Variants in CDH23 observed in about 807,000 individuals in gnomAD.
CDH23 encodes the protein cadherin related 23, also known as cadherin-23.
In CDH23, 189 loss-of-function variants were observed where a neutral mutation model predicts 317.1. The observed-to-expected ratio is 0.60, with a 90% CI of 0.53 to 0.67. CDH23 has a LOEUF of 0.67. Ranked by LOEUF, CDH23 falls within the 30% of genes least tolerant of loss-of-function variation. The pLI is 0.00. For synonymous variants in CDH23, 1,839 were observed against 1,876.8 expected, an observed-to-expected ratio of 0.98 and a Z score of 0.52; for missense variants, 4,401 against 4,592.4, an observed-to-expected ratio of 0.96 and a Z score of 1.20.
chr10:71,477,975 C>T (rs888467376), intron 3 of CDH23, among the ~76,000 whole-genome samples: 1 of 152,096 alleles, frequency 6.6e-6, no homozygotes, highest in Non-Finnish European at 1.5e-5. Flanking sequence ...CCACACAGTA[C>T]CCCAGGCAGC....
chr10:71,719,875 C>T (rs1010652312), intron 28 of CDH23: 2 of 152,826 alleles, frequency 1.3e-5, no homozygotes, highest in African/African-American at 2.4e-5. Context: ...GGGATGGCAA[C>T]TGGGTTGGGA....
chr10:71,470,429 A>G (rs1851452280), intron 3 of CDH23, among the ~76,000 whole-genome samples: 1 of 152,168 alleles, frequency 6.6e-6, no homozygotes, highest in Non-Finnish European at 1.5e-5. Flanking sequence ...CCCATTAGAT[A>G]ATAACTTCTC....
chr10:71,748,849 G>T (rs745825773), intron 38 of CDH23: 1 of 152,736 alleles, frequency 6.5e-6, no homozygotes, highest in Non-Finnish European at 1.5e-5. Context: ...AGGGAGGGAC[G>T]TCCCTAGTGC....
intron 41 of CDH23, among the ~76,000 whole-genome samples, chr10:71,780,546 C>CGCCTT: frequency 6.6e-6 from 1 of 152,182 alleles, no homozygotes; most frequent in South Asian, 2.1e-4. Flanking sequence ...AGCAAAAAGG[C>CGCCTT]CTGCAGCTGG....
rs2132847719 is a variant in CDH23, at chr10:71,741,793, G to C, written c.4717G>C (p.Asp1573His). The C allele has an allele frequency of 1.2e-6, 2 of 1,612,922 alleles. No individual in the cohort carries two copies. Residue 1573 changes from aspartate (D) to histidine (H), a missense_variant, in exon 38 of 70, where the codon GAC becomes CAC. By Grantham distance (81) the Asp-to-His change is moderately conservative (BLOSUM62 -1). Transcript: ENST00000224721. ...LSYYITEGNK[D>H]MAFRMDRISG... ...CTACTACATCACCGAGGGCAACAAG[G>C]ACATGGCCTTCCGCATGGACCGCAT...
chr10:71,663,827 T>C (rs1863774793), intron 14 of CDH23, among the ~76,000 whole-genome samples: 1 of 152,108 alleles, frequency 6.6e-6, no homozygotes, highest in Non-Finnish European at 1.5e-5. Context: ...CCCCTGTGTC[T>C]CTGGTTATTT....
At chr10:71,500,066 G>A (rs1373264065) in intron 3 of CDH23, among the ~76,000 whole-genome samples, 2 of 151,066 alleles carry the variant, frequency 1.3e-5, no homozygotes, top group African/African-American at 2.4e-5. Context: ...ACAATAGGGT[G>A]GCTATAGTTA....
Position 71,798,621 on chromosome 10 carries a change from C to T in CDH23, c.7054+43C>T, listed in dbSNP as rs779225348. The T allele has an allele frequency of 2.1e-6, 3 of 1,462,770 alleles. No individual in the cohort carries two copies. The African/African-American group carries it at 4.2e-5, about 20-fold the overall frequency. The allele number at this position is 1,462,770 out of a possible 1,614,324, so 90.6% of individuals were successfully genotyped here. ...CAGAGGAGGGCTGGGGGACATATAT[C>T]TCTGCTTGCTTAGTCCCCAAGAGAG... On this transcript the variant is annotated intron_variant, in intron 50 of 69. Transcript: ENST00000224721.
rs1207867919 is a variant in CDH23, at chr10:71,682,572, T to C, written c.1986T>C (p.Phe662=). ...NSTVPVTIEV[F]DENDNPPTFS... ...CCGTCCCTGTCACCATCGAGGTGTT[T>C]GTAAGTACCCAGGGCCACTGGCCTT... The change falls in exon 18 of 70, where the codon TTT becomes TTC. Residue 662 remains phenylalanine, a splice_region_variant and synonymous_variant. Transcript: ENST00000224721. The C allele has an allele frequency of 6.2e-7, 1 of 1,612,970 alleles. No homozygotes were observed. Among genetic ancestry groups the C allele is most frequent in the African/African-American group, 1.3e-5 (1 of 74,914 alleles).
At chr10:71,682,336 C>T in intron 17 of CDH23, 109 bp from the exon 18 acceptor site, 1 of 1,424,476 alleles carries the variant, frequency 7.0e-7, no homozygotes, top group South Asian at 1.3e-5. Context: ...CAAGCCAGAG[C>T]TGGCCCGGGC....
intron 11 of CDH23, among the ~76,000 whole-genome samples, chr10:71,618,814 T>TGTGTGTGTGCTCAAGTGTGTGTGCACAC (rs1347096116): frequency 7.4e-4 from 112 of 151,948 alleles, no homozygotes; most frequent in Middle Eastern, 3.4e-3. Flanking sequence ...ACCATGTGCC[T>TGTGTGTGTGCTCAAGTGTGTGTGCACAC]GTGTGTGTGC....
At chr10:71,579,029 A>G (rs1036268209) in intron 9 of CDH23, among the ~76,000 whole-genome samples, 2 of 152,214 alleles carry the variant, frequency 1.3e-5, no homozygotes, top group African/African-American at 4.8e-5. Context: ...CTGTACCTCC[A>G]TAAAATTGGA....
intron 19 of CDH23, among the ~76,000 whole-genome samples, chr10:71,688,535 A>AGGGGTGGTGGAT (rs1865003753): frequency 8.9e-5 from 4 of 45,138 alleles, no homozygotes; most frequent in Admixed American, 8.6e-4. Flanking sequence ...GGGTGGTGGA[A>AGGGGTGGTGGAT]CCAGGGATGG....
chr10:71,792,835 AAAAAAAAAAAAAAAAAAATAT>A lies in CDH23; in HGVS notation c.6254-345_6254-325del, dbSNP rs1196959842. Among the ~76,000 whole-genome samples the A allele has an allele frequency of 1.0e-2, 798 of 80,020 alleles. 9 individuals are homozygous for A. The highest frequency in any genetic ancestry group is 0.012 in the Admixed American group (103 of 8,274). The allele number at this position is 80,020 out of a possible 152,430, so 52.5% of individuals were successfully genotyped here. ...AGACTCCATCTAAAAAAAAAAAAAAAAAAAAAAAAAAAAAAAAATATATATATATATATATATATATGTCTC... is the reference window on the plus strand; with the variant it reads ...AGACTCCATCTAAAAAAAAAAAAAAAATATATATATATATATATATGTCTC... On this transcript the variant is annotated intron_variant, in intron 47 of 69. Transcript: ENST00000224721.
chr10:71,491,400 C>T (rs1852650284), intron 3 of CDH23, among the ~76,000 whole-genome samples: 1 of 152,216 alleles, frequency 6.6e-6, no homozygotes, highest in Non-Finnish European at 1.5e-5. Flanking sequence ...GGCAAGCAAA[C>T]AGACTTGCAC....
At chr10:71,580,948 C>G (rs978544590) in intron 9 of CDH23, among the ~76,000 whole-genome samples, 1 of 152,092 alleles carries the variant, frequency 6.6e-6, no homozygotes, top group African/African-American at 2.4e-5. Context: ...GGCAGGAGGG[C>G]ACTGTCCCCA....
In CDH23 at chr10:71,734,247, T is replaced by C; in HGVS notation, c.4112T>C (p.Ile1371Thr). 6.2e-7 allele frequency: 1 copy of C among 1,609,772 alleles called. No homozygotes were observed. The highest frequency in any genetic ancestry group is 8.5e-7 in the Non-Finnish European group (1 of 1,178,184). The part of the protein sequence containing the change: ...LFKIDAITGV[I>T]TVQGLVDREK... The stretch of plus-strand genomic sequence containing the variant: ...CTGGCCCCTTCCCTGCAGGGTGTGA[T>C]CACAGTCCAGGGCCTGGTGGACCGT... The change falls in exon 33 of 70, where the codon ATC becomes ACC. Residue 1371 changes from isoleucine (I) to threonine (T), a missense_variant. Coordinates refer to ENST00000224721, the MANE Select transcript of CDH23 (RefSeq NM_022124.6).
At chr10:71,472,838 G>C (rs1337186650) in intron 3 of CDH23, among the ~76,000 whole-genome samples, 1 of 152,198 alleles carries the variant, frequency 6.6e-6, no homozygotes, top group Admixed American at 6.5e-5. Context: ...TGGGAAAATA[G>C]CATCTTTAAT....
At chr10:71,609,044 G>C (rs1025770772) in intron 9 of CDH23, among the ~76,000 whole-genome samples, 1 of 152,150 alleles carries the variant, frequency 6.6e-6, no homozygotes, top group African/African-American at 2.4e-5. Context: ...TGTGGTTCAA[G>C]ATGCTGCCAG....
Sources: gnomAD v4.1 joint callset for allele counts (sites outside exome capture counted in the v4.1 genomes callset) on GRCh38, gnomAD v4.1.1 for gene constraint, MANE v1.5 for transcripts, NCBI Gene and HGNC (gene_info 2026-07-23, HGNC 2026-07-21) for gene names.